Variants in LHFPL6 observed in about 807,000 individuals in gnomAD.
The protein encoded by LHFPL6 is LHFPL tetraspan subfamily member 6.
A neutral mutation model predicts 20.6 loss-of-function variants in LHFPL6; 9 were observed. The ratio of observed to expected loss-of-function variants is 0.44; its 90% CI spans 0.26 to 0.76. The LOEUF (loss-of-function observed/expected upper bound fraction) is 0.76. LHFPL6 is among the 30% of genes least tolerant of loss of function. The probability of loss-of-function intolerance (pLI) is 0.20; values close to 1 mark genes in which losing one functional copy is unlikely to be tolerated. For synonymous variants in LHFPL6, 105 were observed against 98.7 expected (o/e 1.06, Z -0.38); for missense variants, 218 against 253.5 (o/e 0.86, Z 0.95).
At chr13:39,487,861 C>G (rs1230065568) in intron 2 of LHFPL6, among the ~76,000 whole-genome samples, 1 of 152,188 alleles carries the variant, frequency 6.6e-6, no homozygotes, top group Non-Finnish European at 1.5e-5. Context: ...GCCTGACCAA[C>G]AGGGAGAAAC....
intron 3 of LHFPL6, among the ~76,000 whole-genome samples, chr13:39,362,250 G>T (rs1364595539): frequency 6.6e-6 from 1 of 152,182 alleles, no homozygotes; most frequent in Non-Finnish European, 1.5e-5. Flanking sequence ...ACGAGATCTG[G>T]TTGTTTAAAA....
At chr13:39,388,860 T>C (rs1870633725) in intron 2 of LHFPL6, among the ~76,000 whole-genome samples, 1 of 152,174 alleles carries the variant, frequency 6.6e-6, no homozygotes, top group South Asian at 2.1e-4. Context: ...AGATCTTTGA[T>C]TCCTGTTAGA....
At chr13:39,358,533 A>G (rs1374030600) in intron 3 of LHFPL6, among the ~76,000 whole-genome samples, 2 of 152,120 alleles carry the variant, frequency 1.3e-5, no homozygotes, top group Non-Finnish European at 2.9e-5. Context: ...TAAAAAAAAC[A>G]ACATGTGGGA....
At chr13:39,581,409 G>A (rs2138539412) in intron 2 of LHFPL6, among the ~76,000 whole-genome samples, 1 of 152,058 alleles carries the variant, frequency 6.6e-6, no homozygotes, top group Non-Finnish European at 1.5e-5. Context: ...CAGCCAAATT[G>A]AATTTTAAAT....
At chr13:39,476,628 A>T (rs1873089946) in intron 2 of LHFPL6, among the ~76,000 whole-genome samples, 1 of 152,218 alleles carries the variant, frequency 6.6e-6, no homozygotes, top group African/African-American at 2.4e-5. Context: ...GCATTTCCTC[A>T]AGCTTCCAAT....
rs556320154 is a variant in LHFPL6, at chr13:39,406,522, C to T, written c.386-27996G>A. Among the ~76,000 whole-genome samples, 7 of 152,116 alleles carry T rather than the reference C, an allele frequency of 4.6e-5. No individual in the cohort carries two copies. In the East Asian group the frequency reaches 7.7e-4, roughly 17 times the overall value. On this transcript the variant is annotated intron_variant, in intron 2 of 3. Transcript: ENST00000379589. ...TTGTTTGAGTAAAAACAAATACTAC[C>T]ACATACATAAGTAATTCTTGTAAAT... is the stretch of plus-strand genomic sequence containing the variant.
chr13:39,517,536 A>C (rs946843888), intron 2 of LHFPL6, among the ~76,000 whole-genome samples: 1 of 151,988 alleles, frequency 6.6e-6, no homozygotes, highest in Admixed American at 6.6e-5. Flanking sequence ...TCTTCAGCCC[A>C]TTTTTCCTGA....
chr13:39,547,107 G>A (rs925962854), intron 2 of LHFPL6, among the ~76,000 whole-genome samples: 1 of 152,002 alleles, frequency 6.6e-6, no homozygotes, highest in Non-Finnish European at 1.5e-5. Context: ...GCAAACTTTA[G>A]CTCCTGCTGC....
At chr13:39,500,603 G>A (rs1869260169) in intron 2 of LHFPL6, among the ~76,000 whole-genome samples, 1 of 151,916 alleles carries the variant, frequency 6.6e-6, no homozygotes, top group African/African-American at 2.4e-5. Context: ...CTCATTTCCT[G>A]TATTCCTTAT....
At chr13:39,409,727 C>T (rs1871206514) in intron 2 of LHFPL6, among the ~76,000 whole-genome samples, 1 of 152,004 alleles carries the variant, frequency 6.6e-6, no homozygotes, top group South Asian at 2.1e-4. Flanking sequence ...ACCAGAATGT[C>T]TTCAGGTAAC....
chr13:39,582,042 C>T (rs1232416730), intron 2 of LHFPL6, among the ~76,000 whole-genome samples: 1 of 152,176 alleles, frequency 6.6e-6, no homozygotes, highest in African/African-American at 2.4e-5. Context: ...TTCCAACTGT[C>T]CATTTGGCCT....
intron 2 of LHFPL6, among the ~76,000 whole-genome samples, chr13:39,557,090 T>TAA (rs1726502597): frequency 6.6e-6 from 1 of 152,112 alleles, no homozygotes; most frequent in South Asian, 2.1e-4. Flanking sequence ...TTACTATGAC[T>TAA]AAAAGGGTGC....
At chr13:39,360,042 A>G (rs966948214) in intron 3 of LHFPL6, among the ~76,000 whole-genome samples, 7 of 128,336 alleles carry the variant, frequency 5.5e-5, no homozygotes, top group African/African-American at 1.9e-4. Flanking sequence ...TTTGTTTTTG[A>G]GACAGTCTCG....
At chr13:39,373,360 T>C (rs984233944) in intron 3 of LHFPL6, among the ~76,000 whole-genome samples, 1 of 152,170 alleles carries the variant, frequency 6.6e-6, no homozygotes, top group East Asian at 1.9e-4. Flanking sequence ...GCCAGGAATG[T>C]GTGGCCTCTC....
intron 2 of LHFPL6, among the ~76,000 whole-genome samples, chr13:39,592,398 T>C (rs547384001): frequency 5.9e-4 from 90 of 152,202 alleles, no homozygotes; most frequent in African/African-American, 2.1e-3. Flanking sequence ...CCTCAACACA[T>C]ACACCCTCCC....
intron 2 of LHFPL6, among the ~76,000 whole-genome samples, chr13:39,448,235 C>A (rs1469344765): frequency 1.3e-5 from 2 of 152,190 alleles, no homozygotes. Flanking sequence ...ATTCAGGGTA[C>A]ATTTTGTGTT....
intron 2 of LHFPL6, among the ~76,000 whole-genome samples, chr13:39,560,637 C>G (rs1474361258): frequency 6.6e-6 from 1 of 151,696 alleles, no homozygotes; most frequent in African/African-American, 2.4e-5. Context: ...ACCTCAGCCT[C>G]CCGTGTAGCT....
chr13:39,348,338 C>T (rs1050761367), intron 3 of LHFPL6, among the ~76,000 whole-genome samples: 4 of 152,186 alleles, frequency 2.6e-5, no homozygotes, highest in Non-Finnish European at 5.9e-5. Flanking sequence ...ATTACTCTGT[C>T]CCAGCTCTCT....
At chr13:39,586,859 A>G (rs1872464033) in intron 2 of LHFPL6, among the ~76,000 whole-genome samples, 1 of 152,202 alleles carries the variant, frequency 6.6e-6, no homozygotes, top group South Asian at 2.1e-4. Flanking sequence ...AGTTAAGTAC[A>G]TAATCCTCAG....
Sources: allele counts gnomAD v4.1 joint callset (sites outside exome capture counted in the v4.1 genomes callset), GRCh38; gene constraint gnomAD v4.1.1; transcripts MANE v1.5; gene names NCBI Gene and HGNC (gene_info 2026-07-23, HGNC 2026-07-21).